Variants in RALGAPB observed in about 807,000 individuals in gnomAD.
RALGAPB encodes the protein Ral GTPase activating protein non-catalytic subunit beta.
A neutral mutation model predicts 161.1 loss-of-function variants in RALGAPB; 25 were observed. The observed-to-expected ratio is 0.16, with a 90% CI of 0.11 to 0.22. The LOEUF (loss-of-function observed/expected upper bound fraction) is 0.22. Among genes scored for constraint, RALGAPB ranks in the 10% least tolerant of loss-of-function variants. RALGAPB has a pLI of 1.00. For missense variants in RALGAPB, 1,391 were observed against 1,815.2 expected, an observed-to-expected ratio of 0.77 and a Z score of 4.25; for synonymous variants, 629 against 626.1, an observed-to-expected ratio of 1.00 and a Z score of -0.07.
chr20:38,506,037 A>G (rs886129857), intron 5 of RALGAPB, among the ~76,000 whole-genome samples: 7 of 105,744 alleles, frequency 6.6e-5, no homozygotes, highest in African/African-American at 2.7e-4. Context: ...CCAAAGAGTA[A>G]AAATTGAATT....
chr20:38,570,818 A>C lies in RALGAPB; in HGVS notation c.4113A>C (p.Glu1371Asp). 6.2e-7 allele frequency: 1 copy of C among 1,609,172 alleles called. No homozygotes were observed. Among genetic ancestry groups the C allele is most frequent in the Non-Finnish European group, 8.5e-7 (1 of 1,176,198 alleles). Reference sequence around the variant, plus strand: ...TGACAGAGATCAGTACTGGTGTGGAAACTACTGCAAATAGTAGCACTTCAC... The same window carrying C: ...TGACAGAGATCAGTACTGGTGTGGACACTACTGCAAATAGTAGCACTTCAC... Reference protein sequence around the residue: ...ELMTEISTGVETTANSSTSLR... With the variant: ...ELMTEISTGVDTTANSSTSLR... Residue 1371 changes from glutamate to aspartate, a missense_variant, in exon 28 of 30, where the codon GAA becomes GAC. Physicochemically the swap from Glu to Asp is conservative, Grantham distance 45. Coordinates refer to ENST00000262879, the MANE Select transcript of RALGAPB (RefSeq NM_020336.4).
At chr20:38,571,552 C>A (rs1012752059) in intron 28 of RALGAPB, among the ~76,000 whole-genome samples, 7 of 152,212 alleles carry the variant, frequency 4.6e-5, no homozygotes, top group Non-Finnish European at 8.8e-5. Context: ...CATTTTAAGA[C>A]TGAATAATAT....
chr20:38,525,160 TGGTCTA>T (rs1354907548), intron 11 of RALGAPB, among the ~76,000 whole-genome samples: 9 of 152,210 alleles, frequency 5.9e-5, no homozygotes, highest in Admixed American at 5.2e-4. Context: ...GTTTTTGGCC[TGGTCTA>T]GAAGGGTAAG....
At chr20:38,562,388 C>T in intron 23 of RALGAPB, 144 bp from the exon 24 acceptor site, 1 of 688,854 alleles carries the variant, frequency 1.5e-6, no homozygotes, top group Non-Finnish European at 2.2e-6. Flanking sequence ...ATGCATTTTT[C>T]TCTATAGTGA....
At chr20:38,486,869 C>T (rs781022010) in intron 1 of RALGAPB, among the ~76,000 whole-genome samples, 11 of 152,142 alleles carry the variant, frequency 7.2e-5, no homozygotes, top group Non-Finnish European at 5.9e-5. Flanking sequence ...TAAACCTTGA[C>T]ACTCTCAAAC....
chr20:38,543,377 C>T (rs1568959445), intron 18 of RALGAPB, among the ~76,000 whole-genome samples: 1 of 152,182 alleles, frequency 6.6e-6, no homozygotes, highest in East Asian at 1.9e-4. Flanking sequence ...AGTATTTCCT[C>T]CATCCCCTCC....
At chr20:38,548,384 G>A (rs529845973) in intron 19 of RALGAPB, among the ~76,000 whole-genome samples, 29 of 152,366 alleles carry the variant, frequency 1.9e-4, no homozygotes, top group Non-Finnish European at 3.4e-4. Flanking sequence ...GATGATCTTA[G>A]TTGATACATT....
intron 1 of RALGAPB, among the ~76,000 whole-genome samples, chr20:38,475,676 G>A (rs1310815700): frequency 2.0e-5 from 3 of 149,454 alleles, no homozygotes; most frequent in Admixed American, 6.7e-5. Context: ...GTGTAGTGGC[G>A]CAATCTCAGC....
chr20:38,509,046 A>G (rs775106825), intron 5 of RALGAPB, 31 bp from the exon 6 acceptor site: 14 of 1,607,854 alleles, frequency 8.7e-6, no homozygotes, highest in Non-Finnish European at 1.2e-5. Flanking sequence ...CTGTTAAGAA[A>G]TGGACTCAGT....
At chr20:38,485,778 TG>T (rs2085095109) in intron 1 of RALGAPB, among the ~76,000 whole-genome samples, 3 of 152,188 alleles carry the variant, frequency 2.0e-5, no homozygotes, top group African/African-American at 7.2e-5. Context: ...TAGTTGCCTT[TG>T]TGTTTTTTCC....
intron 5 of RALGAPB, 121 bp downstream of exon 5, chr20:38,499,754 T>C: frequency 4.5e-6 from 4 of 886,336 alleles, no homozygotes; most frequent in Non-Finnish European, 6.3e-6. Flanking sequence ...AGATACAGAA[T>C]TGAGCCACTT....
chr20:38,511,466 A>G (rs1338949608), intron 6 of RALGAPB, among the ~76,000 whole-genome samples: 1 of 152,056 alleles, frequency 6.6e-6, no homozygotes, highest in Non-Finnish European at 1.5e-5. Context: ...TTTCCTAGGC[A>G]GAGGGCCCTG....
At chr20:38,528,500 A>T (rs2086543043) in intron 13 of RALGAPB, among the ~76,000 whole-genome samples, 1 of 151,820 alleles carries the variant, frequency 6.6e-6, no homozygotes, top group African/African-American at 2.4e-5. Context: ...CCTCTGAAGT[A>T]GCTGGGACCA....
intron 5 of RALGAPB, among the ~76,000 whole-genome samples, chr20:38,501,258 C>T (rs2085584889): frequency 6.6e-6 from 1 of 152,134 alleles, no homozygotes. Context: ...TATCCTAGGG[C>T]CCTTAAGAAT....
In RALGAPB at chr20:38,570,805, G is replaced by T; in HGVS notation, c.4100G>T (p.Ser1367Ile). ...CTCTCAGAGCTGATGACAGAGATCA[G>T]TACTGGTGTGGAAACTACTGCAAAT... is the stretch of plus-strand genomic sequence containing the variant. ...FPLSELMTEISTGVETTANSS... is the reference protein window; with the variant it reads ...FPLSELMTEIITGVETTANSS... Residue 1367 changes from serine to isoleucine, a missense_variant, in exon 28 of 30, where the codon AGT becomes ATT. By Grantham distance (142) the Ser-to-Ile change is moderately radical. Transcript: ENST00000262879. 1.2e-6 allele frequency: 2 copies of T among 1,609,856 alleles called. No homozygotes were observed. The highest frequency in any genetic ancestry group is 1.7e-6 in the Non-Finnish European group (2 of 1,176,622).
chr20:38,570,773 C>G lies in RALGAPB; in HGVS notation c.4068C>G (p.Asn1356Lys). The G allele has an allele frequency of 6.3e-7, 1 of 1,595,848 alleles. No individual in the cohort carries two copies. Among genetic ancestry groups the G allele is most frequent in the Non-Finnish European group, 8.6e-7 (1 of 1,165,462 alleles). ...VWVERYDDIE[N>K]FPLSELMTEI... ...AATGCTATTATTTTCTTCCAGAAAA[C>G]TTTCCCCTCTCAGAGCTGATGACAG... Residue 1356 changes from asparagine to lysine, a missense_variant, in exon 28 of 30, where the codon AAC (asparagine) becomes AAG (lysine). Asn to Lys is a moderately conservative substitution (Grantham distance 94). This residue lies in a region of RALGAPB where 436 missense variants were observed against 527.0 expected (regional missense o/e 0.83). Transcript: ENST00000262879.
intron 16 of RALGAPB, among the ~76,000 whole-genome samples, chr20:38,537,221 C>T (rs2086833091): frequency 6.6e-6 from 1 of 151,954 alleles, no homozygotes; most frequent in Admixed American, 6.6e-5. Flanking sequence ...GACAAAGGTG[C>T]AAAGGTAATT....
rs139096816 is a variant in RALGAPB at position 38,486,647 on chromosome 20, ATCTGTTTTCT to A, written c.-30-1753_-30-1744del. 1.4e-3 allele frequency among the ~76,000 whole-genome samples: 212 copies of A among 152,280 alleles called. 2 individuals carry two copies. In the East Asian group the frequency reaches 0.031, roughly 23 times the overall value. On this transcript the variant is annotated intron_variant, in intron 1 of 29. Transcript: ENST00000262879. ...GTTTGTCCTTTTTTTTCTTCTTAAA[ATCTGTTTTCT>A]TCCAATAATATGCTGTGATGGATCC...
At chr20:38,536,075 C>G (rs762343961) in intron 16 of RALGAPB, among the ~76,000 whole-genome samples, 4 of 152,162 alleles carry the variant, frequency 2.6e-5, no homozygotes, top group Admixed American at 1.3e-4. Context: ...ACTTCTACTT[C>G]TAGTTCCAAA....
Sources: gnomAD v4.1 joint callset for allele counts (sites outside exome capture counted in the v4.1 genomes callset) on GRCh38, gnomAD v4.1.1 for gene constraint, gnomAD v4.1.1 regional missense constraint, MANE v1.5 for transcripts, NCBI Gene and HGNC (gene_info 2026-07-23, HGNC 2026-07-21) for gene names.